CBFA2T2: variants seen among roughly 807,000 people sequenced by gnomAD.
CBFA2T2 encodes protein CBFA2T2.
CBFA2T2 carries 11 observed loss-of-function variants against 62.2 expected under a neutral mutation model. The ratio of observed to expected loss-of-function variants is 0.18; its 90% CI spans 0.11 to 0.29. CBFA2T2 has a LOEUF of 0.29. Among genes scored for constraint, CBFA2T2 ranks in the 10% least tolerant of loss-of-function variants. The pLI is 1.00. For synonymous variants in CBFA2T2, 295 were observed against 287.5 expected (o/e 1.03, Z -0.27); for missense variants, 592 against 774.1 (o/e 0.76, Z 2.79).
intron 1 of CBFA2T2, among the ~76,000 whole-genome samples, chr20:33,539,515 A>G (rs963701351): frequency 5.9e-5 from 9 of 152,256 alleles, no homozygotes; most frequent in African/African-American, 2.2e-4. Flanking sequence ...TATCTTACTA[A>G]ACTTAGGGAC....
intron 10 of CBFA2T2, among the ~76,000 whole-genome samples, chr20:33,643,801 A>G (rs1447574387): frequency 1.2e-4 from 3 of 24,044 alleles, no homozygotes; most frequent in African/African-American, 6.2e-4. Flanking sequence ...ATATATATAT[A>G]TATATATATA....
chr20:33,544,895 G>A (rs990136051), intron 1 of CBFA2T2, among the ~76,000 whole-genome samples: 1 of 151,952 alleles, frequency 6.6e-6, no homozygotes, highest in Non-Finnish European at 1.5e-5. Context: ...TCAGGCATCT[G>A]ATAGATGCAC....
chr20:33,636,886 G>A (rs914523821), intron 9 of CBFA2T2, among the ~76,000 whole-genome samples, 178 bp downstream of exon 9: 22 of 152,180 alleles, frequency 1.4e-4, no homozygotes, highest in African/African-American at 5.3e-4. Flanking sequence ...CCTGATACCT[G>A]TCTTGTTAAT....
intron 1 of CBFA2T2, among the ~76,000 whole-genome samples, chr20:33,498,366 CT>C (rs2011227232): frequency 6.6e-6 from 1 of 151,840 alleles, no homozygotes; most frequent in Non-Finnish European, 1.5e-5. Flanking sequence ...ATTGTCCTGC[CT>C]CAGCTTCCCA....
At chr20:33,631,544 G>A (rs569065125) in intron 8 of CBFA2T2, among the ~76,000 whole-genome samples, 1 of 152,356 alleles carries the variant, frequency 6.6e-6, no homozygotes, top group South Asian at 2.1e-4. Flanking sequence ...TGGTTGCTGA[G>A]CCAAGATACA....
chr20:33,605,261 C>T (rs1049224286), intron 1 of CBFA2T2, among the ~76,000 whole-genome samples: 1 of 152,208 alleles, frequency 6.6e-6, no homozygotes, highest in Non-Finnish European at 1.5e-5. Context: ...TATAGCTGTG[C>T]TCTCACAGAA....
intron 6 of CBFA2T2, among the ~76,000 whole-genome samples, chr20:33,627,397 G>T (rs193098685): frequency 2.6e-5 from 4 of 151,924 alleles, no homozygotes; most frequent in South Asian, 2.1e-4. Context: ...CTCCGTCAAG[G>T]GGGGGGAAAA....
intron 1 of CBFA2T2, among the ~76,000 whole-genome samples, chr20:33,585,375 T>C (rs1429051839): frequency 6.6e-6 from 1 of 152,228 alleles, no homozygotes; most frequent in Non-Finnish European, 1.5e-5. Context: ...ATGTGTCTAT[T>C]TTTTAATAAA....
intron 1 of CBFA2T2, among the ~76,000 whole-genome samples, chr20:33,501,112 A>G (rs571149530): frequency 2.4e-4 from 36 of 152,362 alleles, no homozygotes; most frequent in Non-Finnish European, 4.4e-4. Context: ...TAAATTCAGA[A>G]TAACCCAGAG....
intron 1 of CBFA2T2, among the ~76,000 whole-genome samples, chr20:33,587,467 C>T (rs4911348): frequency 0.57 from 86,565 of 151,498 alleles, 26,239 homozygotes; most frequent in East Asian, 0.78. Context: ...AGGCTTTCAC[C>T]GTGTTAGCCA....
intron 1 of CBFA2T2, among the ~76,000 whole-genome samples, chr20:33,580,696 C>CA (rs1400426803): frequency 6.6e-6 from 1 of 151,908 alleles, no homozygotes; most frequent in Non-Finnish European, 1.5e-5. Flanking sequence ...ACAAAATACA[C>CA]AAAAAATTAG....
At chr20:33,543,420 C>T (rs896063781) in intron 1 of CBFA2T2, among the ~76,000 whole-genome samples, 4 of 152,070 alleles carry the variant, frequency 2.6e-5, no homozygotes, top group Non-Finnish European at 4.4e-5. Flanking sequence ...AAGACAAACA[C>T]GTAAAATAGT....
chr20:33,556,053 G>C (rs962375731), intron 1 of CBFA2T2, among the ~76,000 whole-genome samples: 1 of 152,198 alleles, frequency 6.6e-6, no homozygotes, highest in African/African-American at 2.4e-5. Context: ...TTTTTGTAGA[G>C]ATGGAGTCTC....
intron 8 of CBFA2T2, among the ~76,000 whole-genome samples, chr20:33,635,108 A>G (rs766705665): frequency 1.4e-4 from 22 of 152,250 alleles, no homozygotes; most frequent in Non-Finnish European, 2.9e-4. Flanking sequence ...AGACAGTTCC[A>G]GGTTGAATCA....
chr20:33,526,979 T>C (rs1221882328), intron 1 of CBFA2T2, among the ~76,000 whole-genome samples: 1 of 152,160 alleles, frequency 6.6e-6, no homozygotes, highest in African/African-American at 2.4e-5. Flanking sequence ...GTTATCTGGG[T>C]TTGTGATCAT....
intron 1 of CBFA2T2, 22 bp from the exon 2 acceptor site, chr20:33,606,934 C>G: frequency 6.2e-7 from 1 of 1,609,204 alleles, no homozygotes. Context: ...ACCCTAACCT[C>G]CATTTCTCTG....
intron 8 of CBFA2T2, 66 bp from the exon 9 acceptor site, chr20:33,636,574 G>A: frequency 7.4e-6 from 9 of 1,210,818 alleles, no homozygotes; most frequent in Non-Finnish European, 1.1e-5. Context: ...TGAGAAATCT[G>A]ATCAAAAATA....
chr20:33,621,457 C>A (rs923328194), intron 4 of CBFA2T2, among the ~76,000 whole-genome samples: 1 of 151,624 alleles, frequency 6.6e-6, no homozygotes, highest in Non-Finnish European at 1.5e-5. Context: ...CCACCACACC[C>A]GGCTAATTTT....
chr20:33,549,815 C>T (rs1186148221), intron 1 of CBFA2T2, among the ~76,000 whole-genome samples: 2 of 150,234 alleles, frequency 1.3e-5, no homozygotes, highest in Non-Finnish European at 3.0e-5. Flanking sequence ...AGTCCAAGTA[C>T]AGCACATGTC....
Sources: gnomAD v4.1 joint callset for allele counts (sites outside exome capture counted in the v4.1 genomes callset) on GRCh38, gnomAD v4.1.1 for gene constraint, MANE v1.5 for transcripts, NCBI Gene and HGNC (gene_info 2026-07-23, HGNC 2026-07-21) for gene names.